Variants in CADM1 observed in about 807,000 individuals in gnomAD.
CADM1 encodes the protein cell adhesion molecule 1, also known as TSLC-1.
In CADM1, 15 loss-of-function variants were observed where a neutral mutation model predicts 53.1. The ratio of observed to expected loss-of-function variants is 0.28; its 90% CI spans 0.19 to 0.44. The LOEUF (loss-of-function observed/expected upper bound fraction) is 0.44. Ranked by LOEUF, CADM1 falls within the 20% of genes least tolerant of loss-of-function variation. The pLI is 1.00. For missense variants in CADM1, 434 were observed against 611.3 expected (o/e 0.71, Z 3.06); for synonymous variants, 281 against 243.0 (o/e 1.16, Z -1.45).
At chr11:115,378,880 T>G (rs945378491) in intron 1 of CADM1, among the ~76,000 whole-genome samples, 1 of 152,220 alleles carries the variant, frequency 6.6e-6, no homozygotes, top group Non-Finnish European at 1.5e-5. Context: ...CAGAAAAAGT[T>G]TGCCAATCTT....
At position 115,303,346 on chromosome 11, in the gene CADM1, T is replaced by C. The variant is rs545799911; in HGVS notation, c.125-62926A>G. 9.2e-5 allele frequency among the ~76,000 whole-genome samples: 14 copies of C among 152,114 alleles called. No individual in the cohort carries two copies. The South Asian group carries it at 2.1e-3, about 23-fold the overall frequency. On this transcript the variant is annotated intron_variant, in intron 1 of 11. Coordinates refer to ENST00000331581, the MANE Select transcript of CADM1 (RefSeq NM_001301043.2). ...ATGTTTTTGCCCAAGAGCCAGTAAG[T>C]CATTGGCTGCCACAGATCATATAAT...
At chr11:115,274,205 T>G (rs1297274171) in intron 1 of CADM1, among the ~76,000 whole-genome samples, 2 of 152,230 alleles carry the variant, frequency 1.3e-5, no homozygotes, top group African/African-American at 4.8e-5. Context: ...TTAATGGAGT[T>G]CTGTTCAAAT....
intron 1 of CADM1, among the ~76,000 whole-genome samples, chr11:115,386,934 C>T (rs530422183): frequency 3.9e-4 from 59 of 152,252 alleles, no homozygotes; most frequent in African/African-American, 1.3e-3. Flanking sequence ...AAATTTATCA[C>T]CAGTAAGCTA....
chr11:115,466,499 C>CAG (rs1314396161), intron 1 of CADM1, among the ~76,000 whole-genome samples: 1 of 152,212 alleles, frequency 6.6e-6, no homozygotes, highest in Admixed American at 6.5e-5. Context: ...CCAACTACTT[C>CAG]AGTCGCTGGC....
intron 1 of CADM1, among the ~76,000 whole-genome samples, chr11:115,492,145 A>G (rs1019345056): frequency 7.2e-5 from 11 of 152,202 alleles, no homozygotes; most frequent in African/African-American, 2.4e-4. Flanking sequence ...AAAGTAAAAT[A>G]CAGCCAAATG....
chr11:115,255,035 G>T (rs1010022773), intron 1 of CADM1, among the ~76,000 whole-genome samples: 4 of 152,166 alleles, frequency 2.6e-5, no homozygotes, highest in African/African-American at 9.7e-5. Flanking sequence ...GCTGATAAGA[G>T]TCAGGGAAAA....
chr11:115,189,479 T>C (rs1939737223), intron 10 of CADM1, among the ~76,000 whole-genome samples: 1 of 152,186 alleles, frequency 6.6e-6, no homozygotes, highest in South Asian at 2.1e-4. Context: ...GTTGTTTTCT[T>C]TACGGTCAAC....
At chr11:115,311,257 G>A (rs190276350) in intron 1 of CADM1, among the ~76,000 whole-genome samples, 29 of 152,162 alleles carry the variant, frequency 1.9e-4, no homozygotes, top group Non-Finnish European at 3.7e-4. Flanking sequence ...AATAATCATG[G>A]AAGACGTCTC....
At chr11:115,406,678 G>C (rs776184887) in intron 1 of CADM1, among the ~76,000 whole-genome samples, 1 of 150,720 alleles carries the variant, frequency 6.6e-6, no homozygotes, top group African/African-American at 2.4e-5. Flanking sequence ...CAGGCGCTGT[G>C]GCTCACGCCT....
intron 1 of CADM1, among the ~76,000 whole-genome samples, chr11:115,285,137 T>C (rs539863582): frequency 6.6e-6 from 1 of 152,216 alleles, no homozygotes; most frequent in African/African-American, 2.4e-5. Context: ...AGAAACCAAA[T>C]TGCCAACCCC....
At chr11:115,177,080 CATT>C (rs1939070937) in intron 11 of CADM1, among the ~76,000 whole-genome samples, 1 of 152,204 alleles carries the variant, frequency 6.6e-6, no homozygotes, top group South Asian at 2.1e-4. Flanking sequence ...CTATATGAAT[CATT>C]GTTGCCTACC....
chr11:115,214,476 G>T (rs186577157), intron 7 of CADM1, 132 bp downstream of exon 7: 2 of 846,314 alleles, frequency 2.4e-6, no homozygotes, highest in African/African-American at 3.4e-5. Flanking sequence ...CTCAGGCCAG[G>T]CTTCTTTAAG....
intron 1 of CADM1, among the ~76,000 whole-genome samples, chr11:115,403,209 C>CA (rs1023717258): frequency 6.6e-6 from 1 of 152,010 alleles, no homozygotes; most frequent in Admixed American, 6.6e-5. Flanking sequence ...GAGAAAATAT[C>CA]AAAAAAATCC....
At chr11:115,222,474 A>G (rs888243609) in intron 5 of CADM1, among the ~76,000 whole-genome samples, 1 of 152,214 alleles carries the variant, frequency 6.6e-6, no homozygotes, top group Non-Finnish European at 1.5e-5. Context: ...CAGAGGAGTT[A>G]AAGAGAACAT....
intron 8 of CADM1, among the ~76,000 whole-genome samples, chr11:115,198,680 G>A (rs1343556713): frequency 6.6e-6 from 1 of 152,174 alleles, no homozygotes; most frequent in African/African-American, 2.4e-5. Flanking sequence ...TTGGTTCTGG[G>A]GGTCTTGCCA....
chr11:115,469,224 A>G (rs1396275446), intron 1 of CADM1, among the ~76,000 whole-genome samples: 1 of 152,200 alleles, frequency 6.6e-6, no homozygotes, highest in Admixed American at 6.5e-5. Context: ...CTTTCATATA[A>G]AGCACTTCAG....
chr11:115,468,016 A>G (rs1380086732), intron 1 of CADM1, among the ~76,000 whole-genome samples: 2 of 152,206 alleles, frequency 1.3e-5, no homozygotes, highest in Non-Finnish European at 2.9e-5. Flanking sequence ...AAAATTTCAT[A>G]ACCAGGTGCT....
intron 9 of CADM1, 43 bp from the exon 10 acceptor site, chr11:115,190,984 G>A: frequency 6.6e-7 from 1 of 1,504,324 alleles, no homozygotes; most frequent in Non-Finnish European, 9.0e-7. Context: ...ATTCCTCGAG[G>A]GACATAAACA....
At position 115,176,034 on chromosome 11, in the gene CADM1, G is replaced by A. The variant is rs891814089; in HGVS notation, c.*440C>T. 1 of 1,054,960 alleles carries A rather than the reference G, an allele frequency of 9.5e-7. No homozygotes were observed. The allele number at this position is 1,054,960 out of a possible 1,614,324, so 65.3% of individuals were successfully genotyped here. A position where few individuals can be genotyped will look rare whatever the true frequency, so the allele number is the denominator to read the frequency against. On this transcript the variant is annotated 3_prime_UTR_variant, in exon 12 of 12. Coordinates refer to ENST00000331581, the MANE Select transcript of CADM1 (RefSeq NM_001301043.2). Reference sequence around the variant, plus strand: ...AAAGTAAAAAACTAGAACAGAAAAGGGAAGGAAAAGAGTCTAAGGAATCCC... The same window carrying A: ...AAAGTAAAAAACTAGAACAGAAAAGAGAAGGAAAAGAGTCTAAGGAATCCC...
Sources: gnomAD v4.1 joint callset for allele counts (sites outside exome capture counted in the v4.1 genomes callset) on GRCh38, gnomAD v4.1.1 for gene constraint, MANE v1.5 for transcripts, NCBI Gene and HGNC (gene_info 2026-07-23, HGNC 2026-07-21) for gene names.